KCNMA1: variants seen among roughly 807,000 people sequenced by gnomAD.
KCNMA1 encodes Calcium-activated potassium channel subunit alpha-1.
In KCNMA1, 29 loss-of-function variants were observed where a neutral mutation model predicts 140.0. The observed-to-expected ratio is 0.21, with a 90% CI of 0.15 to 0.28. The LOEUF is 0.28. Ranked by LOEUF, KCNMA1 falls within the 10% of genes least tolerant of loss-of-function variation. The probability of loss-of-function intolerance (pLI) is 1.00; values close to 1 mark genes in which losing one functional copy is unlikely to be tolerated. For synonymous variants in KCNMA1, 612 were observed against 611.9 expected (o/e 1.00, Z 0.00); for missense variants, 880 against 1,602.2 (o/e 0.55, Z 7.70).
intron 2 of KCNMA1, among the ~76,000 whole-genome samples, chr10:77,330,937 T>C (rs1037233402): frequency 2.0e-5 from 3 of 152,132 alleles, no homozygotes; most frequent in Non-Finnish European, 4.4e-5. Context: ...GAGCCAAGTG[T>C]TTGGCACAGA....
chr10:77,633,567 T>A (rs1172725144), intron 1 of KCNMA1, among the ~76,000 whole-genome samples: 1 of 152,222 alleles, frequency 6.6e-6, no homozygotes, highest in Admixed American at 6.5e-5. Flanking sequence ...GCTCCAGCCC[T>A]GATTGACTGC....
Position 77,061,110 on chromosome 10 carries a change from A to G in KCNMA1, c.1749+11987T>C, listed in dbSNP as rs571795641. ...ACATAGAGTTTCATTTATCTTGGGTAGATATCTAGGAGTGGTATTTCTGAG... is the reference window on the plus strand; with the variant it reads ...ACATAGAGTTTCATTTATCTTGGGTGGATATCTAGGAGTGGTATTTCTGAG... On this transcript the variant is annotated intron_variant, in intron 14 of 27. Transcript: ENST00000286628. Among the ~76,000 whole-genome samples the G allele has an allele frequency of 3.9e-5, 6 of 152,330 alleles. No homozygotes were observed. In the South Asian group the frequency reaches 1.2e-3, roughly 32 times the overall value.
At chr10:76,919,810 T>C (rs2054562445) in intron 23 of KCNMA1, among the ~76,000 whole-genome samples, 1 of 151,680 alleles carries the variant, frequency 6.6e-6, no homozygotes, top group African/African-American at 2.4e-5. Context: ...ATGAGGCAAG[T>C]GCTAAAAAAT....
intron 14 of KCNMA1, among the ~76,000 whole-genome samples, chr10:77,065,829 C>G (rs562024948): frequency 1.3e-5 from 2 of 152,020 alleles, no homozygotes; most frequent in Non-Finnish European, 2.9e-5. Context: ...AGTTCTAATG[C>G]CTTAGAGGAA....
At chr10:77,182,151 C>A (rs1031478347) in intron 5 of KCNMA1, among the ~76,000 whole-genome samples, 8 of 152,076 alleles carry the variant, frequency 5.3e-5, no homozygotes, top group Non-Finnish European at 1.2e-4. Context: ...TTCTTTGAAC[C>A]AGCAGTTCCT....
intron 1 of KCNMA1, among the ~76,000 whole-genome samples, chr10:77,452,546 G>A (rs865836001): frequency 1.1e-4 from 16 of 152,142 alleles, no homozygotes; most frequent in Admixed American, 5.2e-4. Flanking sequence ...TTATAAATGC[G>A]CAAAAAAAGT....
downstream of KCNMA1, among the ~76,000 whole-genome samples, chr10:76,883,083 A>G (rs1474821491): frequency 6.6e-6 from 1 of 152,190 alleles, no homozygotes; most frequent in Non-Finnish European, 1.5e-5. Flanking sequence ...TTTTCTGGTC[A>G]TCTGGGATCT....
chr10:77,553,814 C>T (rs1218651288), intron 1 of KCNMA1, among the ~76,000 whole-genome samples: 1 of 151,400 alleles, frequency 6.6e-6, no homozygotes, highest in Non-Finnish European at 1.5e-5. Flanking sequence ...GTCATCTTGC[C>T]CCTCCTCCCA....
chr10:77,029,471 G>A (rs1236680014), intron 15 of KCNMA1, among the ~76,000 whole-genome samples: 1 of 152,150 alleles, frequency 6.6e-6, no homozygotes, highest in African/African-American at 2.4e-5. Flanking sequence ...CATGTAACAT[G>A]CCTAAGGTCT....
chr10:77,585,839 T>G (rs1364080491), intron 1 of KCNMA1, among the ~76,000 whole-genome samples: 1 of 152,146 alleles, frequency 6.6e-6, no homozygotes, highest in African/African-American at 2.4e-5. Flanking sequence ...ATACTGAGAT[T>G]CATGCATTGT....
chr10:77,211,549 G>A (rs555806330), intron 3 of KCNMA1, among the ~76,000 whole-genome samples: 1 of 152,066 alleles, frequency 6.6e-6, no homozygotes, highest in African/African-American at 2.4e-5. Context: ...CCTTGGCAAA[G>A]AATTTTTTAC....
At chr10:76,996,512 A>G (rs1165493695) in intron 19 of KCNMA1, among the ~76,000 whole-genome samples, 4 of 152,212 alleles carry the variant, frequency 2.6e-5, no homozygotes, top group Non-Finnish European at 5.9e-5. Context: ...ACAAAGGGTC[A>G]AATCAAGACG....
intron 1 of KCNMA1, among the ~76,000 whole-genome samples, chr10:77,540,291 G>A (rs1259260702): frequency 2.6e-5 from 4 of 152,224 alleles, no homozygotes; most frequent in African/African-American, 9.6e-5. Context: ...GGGAAGTCCA[G>A]GTTGGTATCC....
chr10:77,201,850 C>T (rs1217038635), intron 3 of KCNMA1, among the ~76,000 whole-genome samples: 3 of 151,468 alleles, frequency 2.0e-5, no homozygotes, highest in Non-Finnish European at 4.4e-5. Flanking sequence ...CTTGTAAAAA[C>T]TGGCAAAACA....
chr10:77,072,189 G>T (rs2096240007), intron 14 of KCNMA1, among the ~76,000 whole-genome samples: 1 of 152,208 alleles, frequency 6.6e-6, no homozygotes, highest in African/African-American at 2.4e-5. Flanking sequence ...GAGGCAAGAT[G>T]TAAGCCCAGA....
intron 1 of KCNMA1, among the ~76,000 whole-genome samples, chr10:77,534,553 A>G (rs2058425936): frequency 6.6e-6 from 1 of 152,094 alleles, no homozygotes; most frequent in Non-Finnish European, 1.5e-5. Context: ...AAAGCATCTC[A>G]TTTTTCCTGA....
chr10:77,096,970 T>C (rs570304131), intron 9 of KCNMA1, among the ~76,000 whole-genome samples: 6 of 152,226 alleles, frequency 3.9e-5, no homozygotes, highest in East Asian at 1.9e-4. Flanking sequence ...CACTGTATCA[T>C]ACAGGAAGCA....
At chr10:77,090,266 G>A in intron 10 of KCNMA1, 134 bp downstream of exon 10, 1 of 741,668 alleles carries the variant, frequency 1.3e-6, no homozygotes. Context: ...AGGCCAAAAG[G>A]GATCATGGCT....
At chr10:77,621,098 G>A (rs1019970250) in intron 1 of KCNMA1, among the ~76,000 whole-genome samples, 24 of 152,152 alleles carry the variant, frequency 1.6e-4, no homozygotes, top group Admixed American at 4.6e-4. Flanking sequence ...GCCACAATGC[G>A]CAATGGCCTA....
Sources: allele counts gnomAD v4.1 joint callset (sites outside exome capture counted in the v4.1 genomes callset), GRCh38; gene constraint gnomAD v4.1.1; transcripts MANE v1.5; gene names NCBI Gene and HGNC (gene_info 2026-07-23, HGNC 2026-07-21).